The following PPP2R2B variants were observed in gnomAD, a reference collection of about 807,000 sequenced individuals.
The protein encoded by PPP2R2B is serine/threonine-protein phosphatase 2A 55 kDa regulatory subunit B beta isoform.
In PPP2R2B, 5 loss-of-function variants were observed where a neutral mutation model predicts 46.0. The ratio of observed to expected loss-of-function variants is 0.11; its 90% confidence interval spans 0.06 to 0.23. The LOEUF (loss-of-function observed/expected upper bound fraction) is 0.23. PPP2R2B is among the 10% of genes least tolerant of loss of function. The pLI is 1.00. For missense variants in PPP2R2B, 367 were observed against 575.0 expected (o/e 0.64, Z 3.70); for synonymous variants, 215 against 206.7 (o/e 1.04, Z -0.34).
intron 2 of PPP2R2B, among the ~76,000 whole-genome samples, chr5:146,781,602 T>C (rs1755534431): frequency 6.7e-6 from 1 of 150,296 alleles, no homozygotes; most frequent in Non-Finnish European, 1.5e-5. Context: ...ATAAGAGATC[T>C]GAGCCAAGAA....
chr5:146,588,626 G>A lies in PPP2R2B; in HGVS notation c.*1321C>T, dbSNP rs1164432614. On this transcript the variant is annotated 3_prime_UTR_variant, in exon 10 of 10. Coordinates refer to ENST00000394411, the MANE Select transcript of PPP2R2B (RefSeq NM_181675.4). ...TGCATTTAGTGCCTTTCCTAGGGGT[G>A]TGCCACATAGAACCTTCTGGAAATG... The A allele has an allele frequency of 6.6e-6, 1 of 152,156 alleles. No individual in the cohort carries two copies. The highest frequency in any genetic ancestry group is 1.5e-5 in the Non-Finnish European group (1 of 68,020). The allele number at this position is 152,156 out of a possible 1,614,324, so 9.4% of individuals were successfully genotyped here. A position where few individuals can be genotyped will look rare whatever the true frequency, so the allele number is the denominator to read the frequency against.
chr5:146,808,346 G>A (rs536731051), intron 2 of PPP2R2B, among the ~76,000 whole-genome samples: 127 of 152,232 alleles, frequency 8.3e-4, no homozygotes, highest in Middle Eastern at 6.8e-3. Context: ...TATTTCCATC[G>A]TCAGAGCAAG....
At chr5:146,866,274 T>C (rs1458720738) in intron 2 of PPP2R2B, among the ~76,000 whole-genome samples, 1 of 152,238 alleles carries the variant, frequency 6.6e-6, no homozygotes, top group Non-Finnish European at 1.5e-5. Context: ...CCAAAGTATA[T>C]GTCCAATAAC....
intron 9 of PPP2R2B, among the ~76,000 whole-genome samples, chr5:146,591,529 G>T (rs900307723): frequency 6.6e-6 from 1 of 152,004 alleles, no homozygotes; most frequent in Non-Finnish European, 1.5e-5. Context: ...TTGCTAATTG[G>T]TGGTAAAGTC....
chr5:146,771,656 A>G (rs1754862783), intron 2 of PPP2R2B, among the ~76,000 whole-genome samples: 1 of 152,234 alleles, frequency 6.6e-6, no homozygotes, highest in Admixed American at 6.5e-5. Flanking sequence ...TTAGCTGGGC[A>G]CATGATTAGG....
At chr5:146,878,818 C>G (rs1381390152), upstream of PPP2R2B, 4 of 1,264,196 alleles carry the variant, frequency 3.2e-6, no homozygotes, top group Non-Finnish European at 4.1e-6. This position sits in a 1 kb window ranked among gnomAD's most constrained non-coding sequence, Gnocchi z 4.5. Flanking sequence ...GCGTCAGCAG[C>G]CCCACGACTC....
intron 7 of PPP2R2B, among the ~76,000 whole-genome samples, chr5:146,636,953 A>C (rs941322603): frequency 5.9e-5 from 9 of 152,040 alleles, no homozygotes; most frequent in South Asian, 2.1e-4. Flanking sequence ...GTACTTCAAC[A>C]CTCAACTGCT....
chr5:146,716,905 G>A (rs1385317656), intron 2 of PPP2R2B, among the ~76,000 whole-genome samples: 1 of 152,142 alleles, frequency 6.6e-6, no homozygotes, highest in Non-Finnish European at 1.5e-5. Context: ...TGTTTAACTA[G>A]ATTATAAGTT....
intron 2 of PPP2R2B, among the ~76,000 whole-genome samples, chr5:146,769,672 T>C (rs1754719673): frequency 6.6e-6 from 1 of 152,220 alleles, no homozygotes; most frequent in Admixed American, 6.5e-5. Context: ...TGAACCACCT[T>C]ACCAATATTT....
At chr5:146,994,664 C>T (rs1753847422) in intron 1 of PPP2R2B, among the ~76,000 whole-genome samples, 1 of 152,056 alleles carries the variant, frequency 6.6e-6, no homozygotes, top group Non-Finnish European at 1.5e-5. Flanking sequence ...TTCCCTGGGG[C>T]CTATGACTCT....
At chr5:146,664,811 C>T (rs1299856636) in intron 5 of PPP2R2B, among the ~76,000 whole-genome samples, 1 of 152,142 alleles carries the variant, frequency 6.6e-6, no homozygotes, top group Non-Finnish European at 1.5e-5. Flanking sequence ...AAAAATGACT[C>T]CTTAATCTGT....
intron 1 of PPP2R2B, among the ~76,000 whole-genome samples, chr5:146,964,141 T>C (rs1399670107): frequency 2.6e-5 from 4 of 152,324 alleles, no homozygotes; most frequent in East Asian, 1.9e-4. Flanking sequence ...AAAACATTTA[T>C]CCTATTATCC....
intron 5 of PPP2R2B, among the ~76,000 whole-genome samples, chr5:146,672,692 C>T (rs1777446528): frequency 6.6e-6 from 1 of 152,076 alleles, no homozygotes; most frequent in South Asian, 2.1e-4. Flanking sequence ...AGATGGCAGA[C>T]CAACCTCCCT....
chr5:146,595,254 G>C, intron 8 of PPP2R2B, among the ~76,000 whole-genome samples: 2 of 152,256 alleles, frequency 1.3e-5, no homozygotes, highest in Admixed American at 1.3e-4. Flanking sequence ...CCTTACAGAG[G>C]CATCTCTGCT....
chr5:146,799,965 G>A (rs999480736), intron 2 of PPP2R2B, among the ~76,000 whole-genome samples: 19 of 151,976 alleles, frequency 1.3e-4, no homozygotes, highest in African/African-American at 4.6e-4. Context: ...GGGATTGCAG[G>A]GAAACAGATT....
upstream of PPP2R2B, among the ~76,000 whole-genome samples, chr5:146,882,458 T>C (rs1762198833): frequency 6.6e-6 from 1 of 152,190 alleles, no homozygotes; most frequent in Non-Finnish European, 1.5e-5. Context: ...CGATATCATT[T>C]TCTGTCACTT....
rs139227449 is a variant in PPP2R2B at position 146,919,728 on chromosome 5, C to T, written c.79+135937G>A. The T allele has an allele frequency of 1.2e-4, 18 of 152,282 alleles. No homozygotes were observed. In the East Asian group the frequency reaches 3.5e-3, roughly 29 times the overall value. The allele number at this position is 152,282 out of a possible 1,614,324, so 9.4% of individuals were successfully genotyped here. A position where few individuals can be genotyped will look rare whatever the true frequency, so the allele number is the denominator to read the frequency against. ...TTGGCAAAGACATCTCCATGGACAG[C>T]CCAAACAATAGCTCCAGATTCTTGC... On this transcript the variant is annotated intron_variant, in intron 1 of 8. Coordinates refer to the PPP2R2B transcript ENST00000336640.
At chr5:146,971,004 A>T (rs879488774) in intron 1 of PPP2R2B, among the ~76,000 whole-genome samples, 1 of 152,144 alleles carries the variant, frequency 6.6e-6, no homozygotes, top group Admixed American at 6.6e-5. Flanking sequence ...CCTTCGAAAC[A>T]TTTTTCAAAG....
chr5:146,761,678 T>G (rs549800916), intron 2 of PPP2R2B, among the ~76,000 whole-genome samples: 23 of 152,338 alleles, frequency 1.5e-4, no homozygotes, highest in South Asian at 4.1e-4. Flanking sequence ...CTGGATTTTG[T>G]AGTCAGATTG....
Sources: allele counts gnomAD v4.1 joint callset (sites outside exome capture counted in the v4.1 genomes callset), GRCh38; gene constraint gnomAD v4.1.1; non-coding constraint Gnocchi (gnomAD v3.1); transcripts MANE v1.5; gene names NCBI Gene and HGNC (gene_info 2026-07-23, HGNC 2026-07-21).